FGF13: variants seen among roughly 807,000 people sequenced by gnomAD.
FGF13 encodes the protein fibroblast growth factor homologous factor 2.
FGF13 carries 2 observed loss-of-function variants against 19.5 expected under a neutral mutation model. The ratio of observed to expected loss-of-function variants is 0.10; its 90% CI spans 0.04 to 0.32. FGF13 has a LOEUF of 0.32. Ranked by LOEUF, FGF13 falls within the 10% of genes least tolerant of loss-of-function variation. FGF13 has a pLI of 1.00. For synonymous variants in FGF13, 72 were observed against 76.9 expected (o/e 0.94, Z 0.33); for missense variants, 113 against 192.7 (o/e 0.59, Z 2.45).
intron 1 of FGF13, among the ~76,000 whole-genome samples, chrX:138,890,179 T>A (rs927416529): frequency 9.0e-6 from 1 of 111,667 alleles, no homozygotes; most frequent in African/African-American, 3.3e-5. Flanking sequence ...TCCACCTGCC[T>A]CAGCCTCCCA....
intron 3 of FGF13, among the ~76,000 whole-genome samples, chrX:138,660,907 C>G (rs1388276292): frequency 9.0e-6 from 1 of 111,234 alleles, no homozygotes; most frequent in Non-Finnish European, 1.9e-5. Flanking sequence ...TAATACACAC[C>G]CACTATAGTA....
intron 1 of FGF13, among the ~76,000 whole-genome samples, chrX:138,935,070 T>C (rs1297281255): frequency 7.2e-5 from 8 of 110,888 alleles, no homozygotes; most frequent in Non-Finnish European, 1.3e-4. Flanking sequence ...CCTCCCTGAT[T>C]TGGTAAAGAT....
chrX:139,057,655 T>G (rs773077830), intron 1 of FGF13, among the ~76,000 whole-genome samples: 2 of 112,039 alleles, frequency 1.8e-5, no homozygotes, highest in Non-Finnish European at 3.8e-5. Context: ...AACTGATGAA[T>G]GGGTACAAAT....
At chrX:138,889,306 C>G (rs995340774) in intron 1 of FGF13, among the ~76,000 whole-genome samples, 2 of 112,143 alleles carry the variant, frequency 1.8e-5, no homozygotes, top group African/African-American at 6.5e-5. Context: ...CATAACAACT[C>G]TATGCCAAGC....
intron 1 of FGF13, among the ~76,000 whole-genome samples, chrX:138,896,856 T>C (rs17001823): frequency 0.044 from 4,903 of 111,850 alleles, 280 homozygotes; most frequent in African/African-American, 0.15. Flanking sequence ...AGGACACCAC[T>C]GCAGTAGCTA....
At chrX:139,080,837 C>T (rs1194129273) in intron 1 of FGF13, among the ~76,000 whole-genome samples, 2 of 111,406 alleles carry the variant, frequency 1.8e-5, no homozygotes, top group Admixed American at 9.6e-5. Flanking sequence ...CTCCCACTAC[C>T]ACATTTACCC....
intron 1 of FGF13, among the ~76,000 whole-genome samples, chrX:139,072,275 C>G (rs150720861): frequency 1.0e-5 from 1 of 96,057 alleles, no homozygotes; most frequent in Non-Finnish European, 2.1e-5. Flanking sequence ...CTCTCTCTCT[C>G]TACACACACA....
chrX:138,688,144 T>C (rs1486257340), intron 3 of FGF13, among the ~76,000 whole-genome samples: 2 of 108,793 alleles, frequency 1.8e-5, no homozygotes, highest in Non-Finnish European at 3.8e-5. Context: ...TTTTTTTTTT[T>C]AGTAGAGACG....
At chrX:138,691,068 A>G (rs2089834357) in intron 3 of FGF13, among the ~76,000 whole-genome samples, 1 of 110,914 alleles carries the variant, frequency 9.0e-6, no homozygotes, top group African/African-American at 3.3e-5. Flanking sequence ...TCCCTGGGAG[A>G]TTAGATGTGT....
chrX:139,047,101 A>G (rs1355871058), intron 1 of FGF13, among the ~76,000 whole-genome samples: 2 of 112,455 alleles, frequency 1.8e-5, no homozygotes, highest in Non-Finnish European at 3.7e-5. Context: ...CCTGTGTGTT[A>G]GCAGTCAAGC....
At chrX:139,136,873 T>C (rs1300471676) in intron 1 of FGF13, among the ~76,000 whole-genome samples, 1 of 111,785 alleles carries the variant, frequency 8.9e-6, no homozygotes, top group Non-Finnish European at 1.9e-5. Flanking sequence ...TACAAATGGC[T>C]TAGGCACCAA....
rs1207308564 is a variant in FGF13 at position 138,626,113 on chromosome X, A to G, written c.*6737T>C. The G allele has an allele frequency of 8.9e-6, 1 of 112,123 alleles. No individual in the cohort carries two copies. Among genetic ancestry groups the G allele is most frequent in the Non-Finnish European group, 1.9e-5 (1 of 53,254 alleles). 9.2% of individuals were successfully genotyped at this position (112,123 alleles called of 1,213,427 possible). On this transcript the variant is annotated 3_prime_UTR_variant, in exon 5 of 5. Transcript: ENST00000315930. ...CATTAGGTTTCTACAAAACATGTAG[A>G]GCAACTCCATTTCAGAGATGCTCAA...
At chrX:139,128,485 C>A (rs1438878763) in intron 1 of FGF13, among the ~76,000 whole-genome samples, 1 of 112,021 alleles carries the variant, frequency 8.9e-6, no homozygotes, top group African/African-American at 3.2e-5. Context: ...GTCTGGGGTG[C>A]CTGCTGTCTA....
intron 1 of FGF13, among the ~76,000 whole-genome samples, chrX:139,037,560 T>G (rs2092254719): frequency 9.0e-6 from 1 of 111,660 alleles, no homozygotes; most frequent in Non-Finnish European, 1.9e-5. Context: ...TCCTGGAAGC[T>G]CTAGGGGAGA....
chrX:139,075,717 C>A (rs2083327984), intron 1 of FGF13, among the ~76,000 whole-genome samples: 1 of 112,064 alleles, frequency 8.9e-6, no homozygotes, highest in Admixed American at 9.5e-5. Flanking sequence ...TTCCCATTTG[C>A]CATTAGTGCA....
In FGF13 at chrX:138,897,138, T is replaced by G. The variant is rs181198992; in HGVS notation, c.-112-32488A>C. ...CATTCTTCCACCTCAGCCTCCAGAG[T>G]AGCTGGGACTACAGGTGCACACTAC... On this transcript the variant is annotated intron_variant, in intron 1 of 2. Transcript: ENST00000421460. Among the ~76,000 whole-genome samples, 547 of 110,898 alleles carry G rather than the reference T, an allele frequency of 4.9e-3. 2 individuals are homozygous for G. The highest frequency in any genetic ancestry group is 0.014 in the Middle Eastern group (3 of 215).
chrX:139,003,055 G>C (rs1020397444), intron 1 of FGF13, among the ~76,000 whole-genome samples: 1 of 112,330 alleles, frequency 8.9e-6, no homozygotes, highest in African/African-American at 3.2e-5. Flanking sequence ...GTCCGGAATT[G>C]GTGGGTTCTT....
At chrX:138,783,850 A>G (rs941266842) in intron 3 of FGF13, among the ~76,000 whole-genome samples, 12 of 110,681 alleles carry the variant, frequency 1.1e-4, no homozygotes, top group African/African-American at 3.9e-4. Flanking sequence ...ATGCTGCTAT[A>G]AAGACACATG....
chrX:138,961,356 A>G lies in FGF13; in HGVS notation c.-112-96706T>C, dbSNP rs145469474. 4.5e-3 allele frequency among the ~76,000 whole-genome samples: 507 copies of G among 111,432 alleles called. 2 individuals carry two copies. The highest frequency in any genetic ancestry group is 0.016 in the African/African-American group (476 of 30,675). On this transcript the variant is annotated intron_variant, in intron 1 of 2. Transcript: ENST00000421460. ...CACCAGCGGAGGCTGCAGAACAGCA[A>G]ATACTGCAGAACACGATCCTTCCTC... is the stretch of plus-strand genomic sequence containing the variant.
Sources: gnomAD v4.1 joint callset for allele counts (sites outside exome capture counted in the v4.1 genomes callset) on GRCh38, gnomAD v4.1.1 for gene constraint, MANE v1.5 for transcripts, NCBI Gene and HGNC (gene_info 2026-07-23, HGNC 2026-07-21) for gene names.